Variants in EYA2 observed in about 807,000 individuals in gnomAD.
The protein encoded by EYA2 is EYA transcriptional coactivator and phosphatase 2.
Under a neutral mutation model 69.2 loss-of-function variants are expected in EYA2, and 31 were observed. The ratio of observed to expected loss-of-function variants is 0.45; its 90% confidence interval spans 0.34 to 0.60. The LOEUF is 0.60. Among genes scored for constraint, EYA2 ranks in the 20% least tolerant of loss-of-function variants. The probability of loss-of-function intolerance (pLI) is 0.02; values close to 1 mark genes in which losing one functional copy is unlikely to be tolerated. For synonymous variants in EYA2, 257 were observed against 279.4 expected (o/e 0.92, Z 0.80); for missense variants, 622 against 701.2 (o/e 0.89, Z 1.28).
chr20:46,935,829 TAAC>T (rs767687500), intron 1 of EYA2, among the ~76,000 whole-genome samples: 4 of 151,404 alleles, frequency 2.6e-5, no homozygotes, highest in Non-Finnish European at 4.4e-5. Flanking sequence ...TATGTTATAA[TAAC>T]ATAGATTATA....
chr20:47,041,419 C>T (rs1985061071), intron 5 of EYA2, among the ~76,000 whole-genome samples: 1 of 152,240 alleles, frequency 6.6e-6, no homozygotes, highest in South Asian at 2.1e-4. Context: ...CCAGTTTCTT[C>T]TGTGTCCTTC....
chr20:46,989,488 C>T (rs1014305640), intron 1 of EYA2, among the ~76,000 whole-genome samples: 1 of 152,120 alleles, frequency 6.6e-6, no homozygotes, highest in African/African-American at 2.4e-5. Flanking sequence ...AGGATGGTCT[C>T]GATCTCTTGA....
At position 47,188,126 on chromosome 20, in the gene EYA2, A is replaced by AT; in HGVS notation, c.1613dup (p.Leu538PhefsTer84). On this transcript the variant is annotated frameshift_variant, in exon 16 of 16. Coordinates refer to ENST00000327619, the MANE Select transcript of EYA2 (RefSeq NM_005244.5). LOFTEE classifies it high-confidence loss of function. Reference sequence around the variant, plus strand: ...CTGAGGCACGCCCTGGAGCTGGAGTATTTATAGCAGGATCAGCAGCATCTC... The same window carrying AT: ...CTGAGGCACGCCCTGGAGCTGGAGTATTTTATAGCAGGATCAGCAGCATCTC... The AT allele has an allele frequency of 6.3e-7, 1 of 1,579,584 alleles. No homozygotes were observed. The highest frequency in any genetic ancestry group is 8.6e-7 in the Non-Finnish European group (1 of 1,162,798).
intron 15 of EYA2, among the ~76,000 whole-genome samples, chr20:47,183,887 C>A (rs1459061170): frequency 1.3e-5 from 2 of 152,168 alleles, no homozygotes; most frequent in African/African-American, 4.8e-5. Flanking sequence ...GGGTCTGGAT[C>A]TGTCAACAGC....
intron 9 of EYA2, among the ~76,000 whole-genome samples, chr20:47,117,052 GGTAGTGCA>G (rs2032915662): frequency 6.8e-6 from 1 of 146,162 alleles, no homozygotes; most frequent in Admixed American, 7.0e-5. Context: ...ACTTCAGTGC[GGTAGTGCA>G]GTGGTGTAGT....
At chr20:46,948,191 C>G (rs1306687400) in intron 1 of EYA2, among the ~76,000 whole-genome samples, 1 of 151,520 alleles carries the variant, frequency 6.6e-6, no homozygotes, top group Non-Finnish European at 1.5e-5. Context: ...AGTTGGCAAA[C>G]TTTTTCTGGA....
At chr20:47,131,366 G>T (rs1187125329) in intron 9 of EYA2, among the ~76,000 whole-genome samples, 2 of 152,162 alleles carry the variant, frequency 1.3e-5, no homozygotes, top group African/African-American at 2.4e-5. Context: ...TCTAGGCGGA[G>T]GTGCCACACC....
chr20:47,056,269 C>T (rs963858836), intron 5 of EYA2, among the ~76,000 whole-genome samples: 2 of 152,118 alleles, frequency 1.3e-5, no homozygotes, highest in Non-Finnish European at 2.9e-5. Flanking sequence ...AGATGTGGAC[C>T]AGGCGTCCTG....
chr20:46,920,988 C>T (rs6018176), intron 1 of EYA2, among the ~76,000 whole-genome samples: 3,146 of 152,352 alleles, frequency 0.021, 119 homozygotes, highest in African/African-American at 0.072. Flanking sequence ...AACTGCTAAT[C>T]ATAGCTCCCT....
intron 1 of EYA2, among the ~76,000 whole-genome samples, chr20:46,955,642 C>A (rs1979076272): frequency 6.6e-6 from 1 of 151,988 alleles, no homozygotes; most frequent in Admixed American, 6.6e-5. Flanking sequence ...AAATCATCCA[C>A]AAATTCATAG....
intron 1 of EYA2, among the ~76,000 whole-genome samples, chr20:46,941,495 T>C (rs1284891442): frequency 6.6e-6 from 1 of 152,176 alleles, no homozygotes; most frequent in African/African-American, 2.4e-5. Flanking sequence ...CTGTGAGAAA[T>C]TCAATGCATT....
intron 10 of EYA2, chr20:47,161,327 A>G (rs1000101184): frequency 1.0e-5 from 5 of 495,278 alleles, no homozygotes; most frequent in South Asian, 5.4e-5. Flanking sequence ...ACATACCATT[A>G]TAGTCACCGA....
chr20:46,987,992 A>ATATG (rs1555809805), intron 1 of EYA2, among the ~76,000 whole-genome samples: 6 of 80,142 alleles, frequency 7.5e-5, no homozygotes, highest in African/African-American at 3.7e-4. Context: ...ATATATATAT[A>ATATG]TATATGGGGC....
rs111880778 is a variant in EYA2 at position 47,064,042 on chromosome 20, A to G, written c.416-8143A>G. 5.8e-3 allele frequency among the ~76,000 whole-genome samples: 881 copies of G among 152,284 alleles called. 7 individuals carry two copies. The highest frequency in any genetic ancestry group is 0.02 in the African/African-American group (843 of 41,552). ...GCCATCTGGGCTTGCTGCAGCTTCAACTTCCCAGGCTCAGATGATATTCCT... is the reference window on the plus strand; with the variant it reads ...GCCATCTGGGCTTGCTGCAGCTTCAGCTTCCCAGGCTCAGATGATATTCCT... On this transcript the variant is annotated intron_variant, in intron 5 of 15. Coordinates refer to ENST00000327619, the MANE Select transcript of EYA2 (RefSeq NM_005244.5).
At chr20:47,187,348 CAAAA>C (rs1251616303) in intron 15 of EYA2, among the ~76,000 whole-genome samples, 3 of 145,526 alleles carry the variant, frequency 2.1e-5, no homozygotes, top group Admixed American at 1.4e-4. Context: ...TAGCCTGTCT[CAAAA>C]GAAAGAAAGA....
intron 1 of EYA2, among the ~76,000 whole-genome samples, chr20:46,958,798 G>C (rs1979296915): frequency 6.6e-6 from 1 of 152,158 alleles, no homozygotes; most frequent in Non-Finnish European, 1.5e-5. Flanking sequence ...GCAGTACTTG[G>C]TTTTCTGTTC....
intron 12 of EYA2, among the ~76,000 whole-genome samples, chr20:47,173,710 A>G (rs1218620096): frequency 2.6e-5 from 4 of 151,900 alleles, no homozygotes; most frequent in Non-Finnish European, 5.9e-5. Flanking sequence ...GGCATGCACC[A>G]CCTGCCTGGC....
intron 5 of EYA2, among the ~76,000 whole-genome samples, chr20:47,062,901 G>A (rs1411310467): frequency 2.0e-5 from 3 of 152,138 alleles, no homozygotes; most frequent in Non-Finnish European, 4.4e-5. Flanking sequence ...TCTTCTCTCG[G>A]GCCTCAAGGT....
At chr20:47,028,170 G>T (rs1984203923) in intron 5 of EYA2, among the ~76,000 whole-genome samples, 1 of 152,220 alleles carries the variant, frequency 6.6e-6, no homozygotes, top group South Asian at 2.1e-4. Flanking sequence ...CAGTGAGAAG[G>T]TGACCATATG....
Sources: gnomAD v4.1 joint callset for allele counts (sites outside exome capture counted in the v4.1 genomes callset) on GRCh38, gnomAD v4.1.1 for gene constraint, MANE v1.5 for transcripts, NCBI Gene and HGNC (gene_info 2026-07-23, HGNC 2026-07-21) for gene names.